CP: variants seen among roughly 807,000 people sequenced by gnomAD.
The protein encoded by CP is ceruloplasmin.
CP carries 64 observed loss-of-function variants against 122.4 expected under a neutral mutation model. The observed-to-expected ratio is 0.52, with a 90% CI of 0.43 to 0.64. CP has a LOEUF of 0.64. Ranked by LOEUF, CP falls within the 30% of genes least tolerant of loss-of-function variation. CP has a pLI of 0.00. For missense variants in CP, 1,167 were observed against 1,284.4 expected, an observed-to-expected ratio of 0.91 and a Z score of 1.40; for synonymous variants, 440 against 436.4, an observed-to-expected ratio of 1.01 and a Z score of -0.10.
At chr3:149,178,843 G>C (rs1325189973) in intron 15 of CP, among the ~76,000 whole-genome samples, 2 of 152,184 alleles carry the variant, frequency 1.3e-5, no homozygotes, top group Non-Finnish European at 2.9e-5. Context: ...GGGTGATGCT[G>C]ACATAACAGA....
chr3:149,184,106 G>A (rs1725987693), intron 12 of CP, among the ~76,000 whole-genome samples: 3 of 116,960 alleles, frequency 2.6e-5, no homozygotes, highest in Admixed American at 1.3e-4. Flanking sequence ...CGTGATCTCC[G>A]CTCACTGCAA....
At position 149,178,470 on chromosome 3, in the gene CP, G is replaced by C; in HGVS notation, c.2823C>G (p.His941Gln). Reference sequence around the variant, plus strand: ...CATCATCTTTGTTTACTTTCTCGGGGTGATCAGAGTATGTTTTGATGTTGT... The same window carrying C: ...CATCATCTTTGTTTACTTTCTCGGGCTGATCAGAGTATGTTTTGATGTTGT... ...LDDNIKTYSDHPEKVNKDDEE... is the reference protein window; with the variant it reads ...LDDNIKTYSDQPEKVNKDDEE... Residue 941 changes from histidine (H) to glutamine (Q), a missense_variant, in exon 16 of 19, where the codon CAC becomes CAG. Transcript: ENST00000264613. 1 of 1,613,452 alleles carries C rather than the reference G, an allele frequency of 6.2e-7. No homozygotes were observed. Among genetic ancestry groups the C allele is most frequent in the Non-Finnish European group, 8.5e-7 (1 of 1,179,532 alleles).
chr3:149,172,764 A>G lies in CP; in HGVS notation c.*950T>C, dbSNP rs1286703599. The stretch of plus-strand genomic sequence containing the variant: ...TTCCTTTTCTTGTTACTTTTAAGAA[A>G]ACTCATGCTCTGTTTCTCTGAATCA... On this transcript the variant is annotated 3_prime_UTR_variant, in exon 19 of 19. Coordinates refer to ENST00000264613, the MANE Select transcript of CP (RefSeq NM_000096.4). The G allele has an allele frequency of 1.3e-5, 2 of 153,022 alleles. No individual in the cohort carries two copies. The highest frequency in any genetic ancestry group is 2.9e-5 in the Non-Finnish European group (2 of 68,354). 9.5% of individuals were successfully genotyped at this position (153,022 alleles called of 1,614,324 possible). A position where few individuals can be genotyped will look rare whatever the true frequency, so the allele number is the denominator to read the frequency against.
downstream of CP, among the ~76,000 whole-genome samples, chr3:149,169,929 T>C (rs1046930530): frequency 1.3e-5 from 2 of 152,222 alleles, no homozygotes; most frequent in African/African-American, 4.8e-5. Flanking sequence ...CAGGTTTACA[T>C]TTAGATATAT....
intron 10 of CP, 143 bp downstream of exon 10, chr3:149,187,909 T>C (rs997167221): frequency 4.2e-5 from 34 of 819,156 alleles, no homozygotes; most frequent in South Asian, 3.8e-4. Context: ...AAATAACCAG[T>C]GAGATTACCT....
At chr3:149,171,698 CTTTTTTTT>C (rs1170000443), downstream of CP, among the ~76,000 whole-genome samples, 1 of 118,254 alleles carries the variant, frequency 8.5e-6, no homozygotes, top group African/African-American at 3.2e-5. Context: ...GAACTGGCTT[CTTTTTTTT>C]TTTTTTTTTT....
chr3:149,185,470 T>C (rs1212313247), intron 11 of CP, 24 bp from the exon 12 acceptor site: 3 of 1,610,796 alleles, frequency 1.9e-6, no homozygotes, highest in Admixed American at 1.7e-5. Context: ...TAAGAAAACA[T>C]GTCACTTCTT....
intron 6 of CP, 26 bp from the exon 7 acceptor site, chr3:149,202,267 G>A: frequency 2.5e-6 from 4 of 1,613,998 alleles, no homozygotes; most frequent in Non-Finnish European, 1.7e-6. Context: ...AGTGTTTAAT[G>A]CTGGGGTTGA....
Position 149,198,410 on chromosome 3 carries a change from A to G in CP, c.1670T>C (p.Met557Thr), listed in dbSNP as rs746739407. The G allele has an allele frequency of 1.2e-6, 2 of 1,613,838 alleles. No homozygotes were observed. The highest frequency in any genetic ancestry group is 1.1e-5 in the South Asian group (1 of 91,062). Reference sequence around the variant, plus strand: ...TAAACTTCCTTTCTTGCATATTTTCATTGGCCCAATAAGCCCAGTGAATAT... The same window carrying G: ...TAAACTTCCTTTCTTGCATATTTTCGTTGGCCCAATAAGCCCAGTGAATAT... ...KDIFTGLIGP[M>T]KICKKGSLHA... is the part of the protein sequence containing the mutation. The change falls in exon 9 of 19, where the codon ATG (methionine) becomes ACG (threonine). Residue 557 changes from methionine (M) to threonine (T), a missense_variant. By Grantham distance (81) the Met-to-Thr change is moderately conservative (BLOSUM62 -1). This residue lies in a region of CP where 525 missense variants were observed against 657.2 expected (regional missense o/e 0.80). Coordinates refer to ENST00000264613, the MANE Select transcript of CP (RefSeq NM_000096.4).
intron 9 of CP, among the ~76,000 whole-genome samples, chr3:149,195,805 G>T (rs1726861817): frequency 1.3e-5 from 2 of 151,054 alleles, no homozygotes; most frequent in South Asian, 4.2e-4. Context: ...GGTGGGGCTT[G>T]CAGTGAGCTG....
chr3:149,180,602 AGACAACAGAGATGGTCTCAAGT>A (rs1410759522), intron 14 of CP, among the ~76,000 whole-genome samples: 5 of 152,232 alleles, frequency 3.3e-5, no homozygotes, highest in Admixed American at 3.3e-4. Context: ...GAATCAAGCA[AGACAACAGAGATGGTCTCAAGT>A]GATGTGGTAG....
At chr3:149,184,025 C>CTTTTTTTT (rs1559939313) in intron 12 of CP, among the ~76,000 whole-genome samples, 8 of 66,302 alleles carry the variant, frequency 1.2e-4, no homozygotes, top group Non-Finnish European at 1.4e-4. Context: ...TTTTCACTTA[C>CTTTTTTTT]TTCTTTTTTT....
chr3:149,169,994 A>C (rs1351533998), downstream of CP, among the ~76,000 whole-genome samples: 1 of 152,164 alleles, frequency 6.6e-6, no homozygotes. Flanking sequence ...AGAGCAAGTA[A>C]TTTTAACCTT....
At chr3:149,186,775 C>T (rs1355601558) in intron 10 of CP, 43 bp from the exon 11 acceptor site, 2 of 1,568,410 alleles carry the variant, frequency 1.3e-6, no homozygotes, top group Non-Finnish European at 1.8e-6. Flanking sequence ...GGTTTAGATT[C>T]TACTACATGA....
At chr3:149,220,854 A>G (rs1228998160) in intron 1 of CP, among the ~76,000 whole-genome samples, 1 of 152,170 alleles carries the variant, frequency 6.6e-6, no homozygotes, top group East Asian at 1.9e-4. Flanking sequence ...TTAATGTTTA[A>G]TTAACATCAT....
intron 9 of CP, among the ~76,000 whole-genome samples, chr3:149,194,363 T>G (rs1262310681): frequency 6.6e-6 from 1 of 151,998 alleles, no homozygotes; most frequent in Non-Finnish European, 1.5e-5. Context: ...CTCAGCCTCC[T>G]GAGTAGCTGG....
intron 17 of CP, 138 bp from the exon 18 acceptor site, chr3:149,176,550 A>G: frequency 1.4e-6 from 1 of 694,624 alleles, no homozygotes; most frequent in Non-Finnish European, 2.4e-6. Flanking sequence ...TCTGTGTTTA[A>G]TACAAATGGT....
intron 14 of CP, 51 bp from the exon 15 acceptor site, chr3:149,179,713 C>T (rs1559936501): frequency 7.5e-6 from 2 of 268,366 alleles, no homozygotes; most frequent in South Asian, 4.1e-5. Flanking sequence ...TTATATTGTA[C>T]ACACACACAC....
At chr3:149,172,318 T>TATCACACACACA (rs374839757), downstream of CP, 2 of 570,776 alleles carry the variant, frequency 3.5e-6, no homozygotes, top group Non-Finnish European at 6.3e-6. Flanking sequence ...ATTTTATATA[T>TATCACACACACA]CACACACACA....
Sources: allele counts gnomAD v4.1 joint callset (sites outside exome capture counted in the v4.1 genomes callset), GRCh38; gene constraint gnomAD v4.1.1; regional missense constraint gnomAD v4.1.1; transcripts MANE v1.5; gene names NCBI Gene and HGNC (gene_info 2026-07-23, HGNC 2026-07-21).